PDCD7: variants seen among roughly 807,000 people sequenced by gnomAD.
PDCD7 encodes the protein programmed cell death protein 7.
In PDCD7, 40 loss-of-function variants were observed where a neutral mutation model predicts 42.1. The observed-to-expected ratio is 0.95, with a 90% CI of 0.74 to 1.24. PDCD7 has a LOEUF of 1.24. PDCD7 is among the 50% of genes most tolerant of loss of function. The pLI, the probability that PDCD7 is intolerant of heterozygous loss-of-function variation, is 0.00. For missense variants in PDCD7, 644 were observed against 662.8 expected, an observed-to-expected ratio of 0.97 and a Z score of 0.31; for synonymous variants, 299 against 303.3, an observed-to-expected ratio of 0.99 and a Z score of 0.15.
Position 65,118,409 on chromosome 15 carries a change from G to C in PDCD7, c.*308C>G, listed in dbSNP as rs1051492394. 3 of 234,896 alleles carry C rather than the reference G, an allele frequency of 1.3e-5. No individual in the cohort carries two copies. The allele number at this position is 234,896 out of a possible 1,614,324, so 14.6% of individuals were successfully genotyped here. On this transcript the variant is annotated 3_prime_UTR_variant, in exon 5 of 5. Transcript: ENST00000204549. Reference sequence around the variant, plus strand: ...TACCCATCAACACACAAGGAAGTTAGAGTAAATTAACAAGTCACTCTGGAC... The same window carrying C: ...TACCCATCAACACACAAGGAAGTTACAGTAAATTAACAAGTCACTCTGGAC...
In PDCD7 at chr15:65,118,726, C is replaced by G. The variant is rs757644393; in HGVS notation, c.1449G>C (p.Lys483Asn). 3.7e-6 allele frequency: 6 copies of G among 1,606,214 alleles called. No individual in the cohort carries two copies. Among genetic ancestry groups the G allele is most frequent in the Non-Finnish European group, 5.1e-6 (6 of 1,176,936 alleles). ...TCCTGGAGCATCTTTACTAATGCAG[C>G]TTAACAGCAGTTGCCCAGATGTCGT... is the stretch of plus-strand genomic sequence containing the variant. ...PSNDIWATAVKLH is the reference protein window; with the variant it reads ...PSNDIWATAVNLH Residue 483 changes from lysine to asparagine, a missense_variant, in exon 5 of 5, where the codon AAG becomes AAC. Coordinates refer to ENST00000204549, the MANE Select transcript of PDCD7 (RefSeq NM_005707.2).
rs1045590901 is a variant in PDCD7, at chr15:65,119,488, C to T, written c.1247-25G>A. Reference sequence around the variant, plus strand: ...TCTGAAAGAGAAAAGCACAATACCACGTTATCATGCTTGATATCCACAGTG... The same window carrying T: ...TCTGAAAGAGAAAAGCACAATACCATGTTATCATGCTTGATATCCACAGTG... On this transcript the variant is annotated intron_variant, in intron 3 of 4. Transcript: ENST00000204549. 5.3e-6 allele frequency: 8 copies of T among 1,500,094 alleles called. No homozygotes were observed. In the Admixed American group the frequency reaches 8.4e-5, roughly 16 times the overall value. 92.9% of individuals were successfully genotyped at this position (1,500,094 alleles called of 1,614,324 possible).
intron 2 of PDCD7, among the ~76,000 whole-genome samples, chr15:65,122,699 C>T (rs1056431388): frequency 1.3e-5 from 2 of 151,776 alleles, no homozygotes; most frequent in African/African-American, 4.8e-5. Flanking sequence ...TTTTTCCTTC[C>T]TAGGGATTTC....
At chr15:65,125,485 C>G (rs2087488294) in intron 2 of PDCD7, among the ~76,000 whole-genome samples, 1 of 152,232 alleles carries the variant, frequency 6.6e-6, no homozygotes, top group Non-Finnish European at 1.5e-5. Context: ...TATTCATTCT[C>G]TAACCAACTG....
intron 2 of PDCD7, among the ~76,000 whole-genome samples, chr15:65,128,288 A>C (rs539121257): frequency 6.6e-6 from 1 of 152,370 alleles, no homozygotes; most frequent in East Asian, 1.9e-4. Context: ...CTCAGCCCAG[A>C]TCAGGGAAGG....
Position 65,133,557 on chromosome 15 carries a change from G to C in PDCD7, c.225C>G (p.Gly75=), listed in dbSNP as rs1269087053. ...GCACCGGGTAGAAGGCGCCAGCGCC[G>C]CCTCCGCCGCGGGAGGCCTCCGCGG... ...RASAEASRGG[G]GAGAFYPVPP... is the part of the protein sequence containing the mutation. The change falls in exon 1 of 5, where the codon GGC becomes GGG. Residue 75 remains glycine, a synonymous_variant. Coordinates refer to ENST00000204549, the MANE Select transcript of PDCD7 (RefSeq NM_005707.2). 8.9e-6 allele frequency: 11 copies of C among 1,229,724 alleles called. No individual in the cohort carries two copies. The African/African-American group carries it at 1.4e-4, about 16-fold the overall frequency. The allele number at this position is 1,229,724 out of a possible 1,614,324, so 76.2% of individuals were successfully genotyped here. A position where few individuals can be genotyped will look rare whatever the true frequency, so the allele number is the denominator to read the frequency against.
rs551035201 is a variant in PDCD7, at chr15:65,120,290, C to A, written c.1010-336G>T. 5.9e-5 allele frequency among the ~76,000 whole-genome samples: 9 copies of A among 152,120 alleles called. No individual in the cohort carries two copies. The East Asian group carries it at 1.7e-3, about 29-fold the overall frequency. Reference sequence around the variant, plus strand: ...CCTCAGCCTCCCAAGTAGCTGGGACCACAGGCACGTGCCACCACATCTAGC... The same window carrying A: ...CCTCAGCCTCCCAAGTAGCTGGGACAACAGGCACGTGCCACCACATCTAGC... On this transcript the variant is annotated intron_variant, in intron 2 of 4. Coordinates refer to ENST00000204549, the MANE Select transcript of PDCD7 (RefSeq NM_005707.2).
At chr15:65,121,925 T>A (rs1003575416) in intron 2 of PDCD7, among the ~76,000 whole-genome samples, 5 of 152,226 alleles carry the variant, frequency 3.3e-5, no homozygotes, top group Non-Finnish European at 7.3e-5. Context: ...ACTACCATAA[T>A]GGCCCTGTAA....
intron 1 of PDCD7, among the ~76,000 whole-genome samples, chr15:65,131,282 C>A (rs1004325105): frequency 6.6e-6 from 1 of 152,326 alleles, no homozygotes; most frequent in South Asian, 2.1e-4. Flanking sequence ...TTGTCACTGT[C>A]TCCTATCACC....
At chr15:65,130,748 C>T (rs1269769265) in intron 1 of PDCD7, among the ~76,000 whole-genome samples, 1 of 151,926 alleles carries the variant, frequency 6.6e-6, no homozygotes, top group South Asian at 2.1e-4. Context: ...GAGGCTAAGG[C>T]AGGAGAATCG....
At chr15:65,129,291 G>A in intron 1 of PDCD7, 121 bp from the exon 2 acceptor site, 1 of 1,094,472 alleles carries the variant, frequency 9.1e-7, no homozygotes, top group South Asian at 1.5e-5. Context: ...AGACTCTATT[G>A]AATCTCCATC....
At chr15:65,120,490 C>T (rs936685952) in intron 2 of PDCD7, among the ~76,000 whole-genome samples, 3 of 152,066 alleles carry the variant, frequency 2.0e-5, no homozygotes, top group Non-Finnish European at 4.4e-5. Context: ...TGAGGTCTCA[C>T]GAGGTCAGGA....
chr15:65,124,922 T>C (rs141437757), intron 2 of PDCD7, among the ~76,000 whole-genome samples: 12 of 152,288 alleles, frequency 7.9e-5, no homozygotes, highest in Non-Finnish European at 1.5e-4. Context: ...CCAATATATG[T>C]CAGCTGGACC....
intron 1 of PDCD7, among the ~76,000 whole-genome samples, chr15:65,132,118 GTA>G (rs1460213747): frequency 3.7e-4 from 23 of 61,464 alleles, no homozygotes; most frequent in Non-Finnish European, 7.6e-4. Flanking sequence ...ATATATGTAT[GTA>G]TGTGTATATA....
Position 65,133,506 on chromosome 15 carries a change from C to A in PDCD7, c.276G>T (p.Pro92=). The change falls in exon 1 of 5, where the codon CCG becomes CCT. Residue 92 remains proline (P), a synonymous_variant. Coordinates refer to ENST00000204549, the MANE Select transcript of PDCD7 (RefSeq NM_005707.2). ...PVPPPPLPPP[P]PQCRPFPGTD... is the part of the protein sequence containing the mutation. Reference sequence around the variant, plus strand: ...TCCCCGGGAAGGGCCGACACTGGGGCGGCGGAGGAGGCAGCGGCGGTGGTG... The same window carrying A: ...TCCCCGGGAAGGGCCGACACTGGGGAGGCGGAGGAGGCAGCGGCGGTGGTG... 8.2e-7 allele frequency: 1 copy of A among 1,226,198 alleles called. No homozygotes were observed. The highest frequency in any genetic ancestry group is 1.0e-6 in the Non-Finnish European group (1 of 984,536). 76.0% of individuals were successfully genotyped at this position (1,226,198 alleles called of 1,614,324 possible). A position where few individuals can be genotyped will look rare whatever the true frequency, so the allele number is the denominator to read the frequency against.
chr15:65,118,758 G>T lies in PDCD7; in HGVS notation c.1417C>A (p.Pro473Thr). ...GCAGTTGCCCAGATGTCGTTGCTGGGGAGCGGGGGAAGGACCCATCCTTGG... is the reference window on the plus strand; with the variant it reads ...GCAGTTGCCCAGATGTCGTTGCTGGTGAGCGGGGGAAGGACCCATCCTTGG... Reference protein sequence around the residue: ...VPQGWVLPPLPSNDIWATAVK... With the variant: ...VPQGWVLPPLTSNDIWATAVK... Residue 473 changes from proline to threonine, a missense_variant, in exon 5 of 5, where the codon CCC becomes ACC. By Grantham distance (38) the Pro-to-Thr change is conservative. Coordinates refer to ENST00000204549, the MANE Select transcript of PDCD7 (RefSeq NM_005707.2). 6.2e-7 allele frequency: 1 copy of T among 1,609,706 alleles called. No homozygotes were observed.
chr15:65,126,988 C>T (rs1165896922), intron 2 of PDCD7, among the ~76,000 whole-genome samples: 2 of 151,816 alleles, frequency 1.3e-5, no homozygotes, highest in Non-Finnish European at 2.9e-5. Flanking sequence ...TTCACTATCA[C>T]TTGAATTACT....
At position 65,132,986 on chromosome 15, in the gene PDCD7, G is replaced by T; in HGVS notation, c.796C>A (p.Arg266=). 6.2e-7 allele frequency: 1 copy of T among 1,605,366 alleles called. No individual in the cohort carries two copies. ...REAEREAEAA[R]AVEREQEIDR... ...ATCTCCTGCTCGCGTTCCACTGCCC[G>T]CGCGGCCTCTGCCTCCCGCTCGGCC... The change falls in exon 1 of 5, where the codon CGG becomes AGG. Residue 266 remains arginine (R), a synonymous_variant. Coordinates refer to ENST00000204549, the MANE Select transcript of PDCD7 (RefSeq NM_005707.2).
At chr15:65,122,118 T>C (rs1337151753) in intron 2 of PDCD7, among the ~76,000 whole-genome samples, 1 of 152,192 alleles carries the variant, frequency 6.6e-6, no homozygotes, top group East Asian at 1.9e-4. Flanking sequence ...GCAGGTTGCC[T>C]GAGCTCAGGA....
Sources: allele counts gnomAD v4.1 joint callset (sites outside exome capture counted in the v4.1 genomes callset), GRCh38; gene constraint gnomAD v4.1.1; transcripts MANE v1.5; gene names NCBI Gene and HGNC (gene_info 2026-07-23, HGNC 2026-07-21).